ARHGEF7: variants seen among roughly 807,000 people sequenced by gnomAD.
ARHGEF7 encodes Rho guanine nucleotide exchange factor 7.
ARHGEF7 carries 33 observed loss-of-function variants against 109.8 expected under a neutral mutation model. The observed-to-expected ratio is 0.30, with a 90% CI of 0.23 to 0.40. The LOEUF (loss-of-function observed/expected upper bound fraction) is 0.40. Among genes scored for constraint, ARHGEF7 ranks in the 10% least tolerant of loss-of-function variants. ARHGEF7 has a pLI of 1.00. For synonymous variants in ARHGEF7, 458 were observed against 424.6 expected, an observed-to-expected ratio of 1.08 and a Z score of -0.97; for missense variants, 938 against 1,098.5, an observed-to-expected ratio of 0.85 and a Z score of 2.07.
intron 16 of ARHGEF7, among the ~76,000 whole-genome samples, chr13:111,285,451 G>C (rs1186379493): frequency 6.6e-6 from 1 of 152,172 alleles, no homozygotes; most frequent in Admixed American, 6.5e-5. Context: ...CACCTTACCT[G>C]CTCTGTTGGG....
intron 2 of ARHGEF7, among the ~76,000 whole-genome samples, chr13:111,195,676 C>T (rs1336204262): frequency 6.6e-6 from 1 of 152,190 alleles, no homozygotes; most frequent in Admixed American, 6.5e-5. Flanking sequence ...CCATTGCACT[C>T]TGGGGCAGTG....
chr13:111,234,971 G>A (rs188878153), intron 6 of ARHGEF7, among the ~76,000 whole-genome samples: 1 of 152,298 alleles, frequency 6.6e-6, no homozygotes, highest in Admixed American at 6.5e-5. Flanking sequence ...TGTAGCTTAT[G>A]TGTAGTTTTG....
At chr13:111,254,601 G>A (rs1027545003) in intron 8 of ARHGEF7, among the ~76,000 whole-genome samples, 3 of 150,020 alleles carry the variant, frequency 2.0e-5, no homozygotes, top group Non-Finnish European at 4.4e-5. Context: ...AGAGGATTCG[G>A]GCTAAGGCGC....
rs200975660 is a variant in ARHGEF7, at chr13:111,175,612, C to T, written c.252+21621C>T. On this transcript the variant is annotated intron_variant, in intron 2 of 21. Transcript: ENST00000646102. ...AGGGGCGGGCCTCCTAAGCTGCTGG[C>T]TCCTCACTGGGCGTCCTCTGCTCCA... Among the ~76,000 whole-genome samples the T allele has an allele frequency of 4.6e-5, 7 of 152,298 alleles. No homozygotes were observed. In the East Asian group the frequency reaches 1.2e-3, roughly 25 times the overall value.
chr13:111,280,468 T>C (rs527547513), intron 14 of ARHGEF7, 70 bp from the exon 15 acceptor site: 1 of 1,581,838 alleles, frequency 6.3e-7, no homozygotes, highest in African/African-American at 1.4e-5. Flanking sequence ...AGTGGAATTC[T>C]GGGGGGTGTG....
chr13:111,289,092 C>T (rs1333885617), intron 18 of ARHGEF7, among the ~76,000 whole-genome samples: 1 of 151,904 alleles, frequency 6.6e-6, no homozygotes, highest in Non-Finnish European at 1.5e-5. Context: ...AGTGCAGTAG[C>T]GTGATCTTGG....
intron 1 of ARHGEF7, among the ~76,000 whole-genome samples, chr13:111,129,874 A>T (rs1443811977): frequency 6.6e-6 from 1 of 152,238 alleles, no homozygotes; most frequent in Non-Finnish European, 1.5e-5. Context: ...CTACTTTGAG[A>T]TGTCTGCCCA....
chr13:111,238,647 C>T (rs1206849657), intron 6 of ARHGEF7, among the ~76,000 whole-genome samples: 2 of 151,930 alleles, frequency 1.3e-5, no homozygotes, highest in Non-Finnish European at 2.9e-5. Flanking sequence ...GCCCCCATGG[C>T]ATGGTGACTG....
At chr13:111,251,814 A>C (rs986659348) in intron 8 of ARHGEF7, among the ~76,000 whole-genome samples, 5 of 152,196 alleles carry the variant, frequency 3.3e-5, no homozygotes, top group Non-Finnish European at 5.9e-5. Context: ...ATTCTCCCGG[A>C]ACCACTCTGA....
At chr13:111,153,683 G>C in intron 1 of ARHGEF7, 1 of 1,255,722 alleles carries the variant, frequency 8.0e-7, no homozygotes, top group Non-Finnish European at 1.0e-6. Flanking sequence ...GGTGCGGGAA[G>C]GGGCAGAGAT....
At position 111,294,950 on chromosome 13, in the gene ARHGEF7, T is replaced by C. The variant is rs150892866; in HGVS notation, c.2311+2656T>C. 293 of 985,432 alleles carry C rather than the reference T, an allele frequency of 3.0e-4. No homozygotes were observed. In the African/African-American group the frequency reaches 4.8e-3, roughly 16 times the overall value. The allele number at this position is 985,432 out of a possible 1,614,324, so 61.0% of individuals were successfully genotyped here. On this transcript the variant is annotated intron_variant, in intron 19 of 21. Transcript: ENST00000646102. Reference sequence around the variant, plus strand: ...ATAAAATTGCCAAAACACAGTAATGTGTATATAGTGGTATAAGATCTTGAA... The same window carrying C: ...ATAAAATTGCCAAAACACAGTAATGCGTATATAGTGGTATAAGATCTTGAA...
At chr13:111,158,480 C>A (rs9555776) in intron 2 of ARHGEF7, among the ~76,000 whole-genome samples, 15,854 of 152,246 alleles carry the variant, frequency 0.1, 1,084 homozygotes, top group Admixed American at 0.24. Flanking sequence ...AGCTCCTTGG[C>A]ACTGCAACTA....
intron 8 of ARHGEF7, among the ~76,000 whole-genome samples, chr13:111,252,047 G>A (rs988668996): frequency 2.0e-5 from 3 of 152,208 alleles, no homozygotes; most frequent in African/African-American, 7.2e-5. Flanking sequence ...TTGTCCTCCT[G>A]GGGTCCTTGT....
At chr13:111,237,511 G>T (rs375220895) in intron 6 of ARHGEF7, among the ~76,000 whole-genome samples, 4 of 152,140 alleles carry the variant, frequency 2.6e-5, no homozygotes, top group Non-Finnish European at 4.4e-5. Context: ...TTAATTTAGG[G>T]CTTTCTCTTT....
intron 6 of ARHGEF7, among the ~76,000 whole-genome samples, chr13:111,233,584 G>C (rs1341102323): frequency 6.6e-6 from 1 of 152,162 alleles, no homozygotes; most frequent in East Asian, 1.9e-4. Flanking sequence ...CTTCAAAAAT[G>C]ATATTTGAAA....
intron 1 of ARHGEF7, chr13:111,153,699 C>T: frequency 3.1e-6 from 4 of 1,307,148 alleles, no homozygotes; most frequent in Non-Finnish European, 2.9e-6. Context: ...GAGATTGGTG[C>T]AGCCCCGGAG....
chr13:111,205,234 T>G lies in ARHGEF7; in HGVS notation c.253-55T>G, dbSNP rs535764101. 65 of 1,420,558 alleles carry G rather than the reference T, an allele frequency of 4.6e-5. 1 individual carries two copies. The South Asian group carries it at 6.9e-4, about 15-fold the overall frequency. 88.0% of individuals were successfully genotyped at this position (1,420,558 alleles called of 1,614,324 possible). ...CGCGTTGCTGGGAGAACTTAGTTCA[T>G]CCTGCACCCAACATAAGACTCTACT... On this transcript the variant is annotated intron_variant, in intron 2 of 21. Coordinates refer to ENST00000646102, the MANE Select transcript of ARHGEF7 (RefSeq NM_001354046.2).
At chr13:111,282,483 G>C (rs1032419447) in intron 15 of ARHGEF7, among the ~76,000 whole-genome samples, 2 of 152,120 alleles carry the variant, frequency 1.3e-5, no homozygotes, top group African/African-American at 4.8e-5. Context: ...GATTAAAGTT[G>C]AGTTTTCTAA....
At chr13:111,256,379 G>A (rs1184463872) in intron 8 of ARHGEF7, among the ~76,000 whole-genome samples, 6 of 152,180 alleles carry the variant, frequency 3.9e-5, no homozygotes, top group Non-Finnish European at 8.8e-5. Context: ...GGTTACCTAT[G>A]GCATGTTCTC....
Sources: gnomAD v4.1 joint callset for allele counts (sites outside exome capture counted in the v4.1 genomes callset) on GRCh38, gnomAD v4.1.1 for gene constraint, MANE v1.5 for transcripts, NCBI Gene and HGNC (gene_info 2026-07-23, HGNC 2026-07-21) for gene names.